FGL1: variants seen among roughly 807,000 people sequenced by gnomAD.
FGL1 encodes the protein fibrinogen like 1.
In FGL1, 59 loss-of-function variants were observed where a neutral mutation model predicts 43.7. The ratio of observed to expected loss-of-function variants is 1.35; its 90% CI spans 1.10 to 1.68. The LOEUF is 1.68. FGL1 is among the 40% of genes most tolerant of loss of function. The pLI is 0.00. For synonymous variants in FGL1, 192 were observed against 126.5 expected (o/e 1.52, Z -3.48); for missense variants, 596 against 373.0 (o/e 1.60, Z -4.92).
In FGL1 at chr8:17,874,230, A is replaced by G. The variant is rs111376859; in HGVS notation, c.405-114T>C. The G allele has an allele frequency of 2.8e-5, 38 of 1,362,670 alleles. No homozygotes were observed. In the African/African-American group the frequency reaches 2.9e-4, roughly 11 times the overall value. 84.4% of individuals were successfully genotyped at this position (1,362,670 alleles called of 1,614,324 possible). On this transcript the variant is annotated intron_variant, in intron 4 of 7. Coordinates refer to ENST00000427924, the MANE Select transcript of FGL1 (RefSeq NM_004467.4). ...CAATATTTTCTTGATTAGTTAATTCATTTTCAGTATTCTTCTTTAGAGAGA... is the reference window on the plus strand; with the variant it reads ...CAATATTTTCTTGATTAGTTAATTCGTTTTCAGTATTCTTCTTTAGAGAGA...
At chr8:17,865,467 C>T (rs1165570397) in intron 7 of FGL1, among the ~76,000 whole-genome samples, 2 of 152,176 alleles carry the variant, frequency 1.3e-5, no homozygotes, top group African/African-American at 2.4e-5. Flanking sequence ...TTATTTCAAT[C>T]TCAAGGGTAA....
At chr8:17,895,325 G>C (rs2053759101) in intron 1 of FGL1, 122 bp downstream of exon 1, 2 of 1,141,108 alleles carry the variant, frequency 1.8e-6, no homozygotes, top group Non-Finnish European at 2.2e-6. Flanking sequence ...CTCCTTGCTA[G>C]TCAACCTGAC....
intron 3 of FGL1, 83 bp from the exon 4 acceptor site, chr8:17,874,604 C>T: frequency 1.9e-6 from 2 of 1,042,420 alleles, no homozygotes; most frequent in Non-Finnish European, 2.8e-6. Context: ...TGAGACTACT[C>T]AGTATCACTG....
rs1273629737 is a variant in FGL1 at position 17,864,432 on chromosome 8, C to G, written c.*160G>C. ...TTATTTGGTGAATATTGCATATCTGCTGTACTGAAAGCACATTAAGTAACA... is the reference window on the plus strand; with the variant it reads ...TTATTTGGTGAATATTGCATATCTGGTGTACTGAAAGCACATTAAGTAACA... On this transcript the variant is annotated 3_prime_UTR_variant, in exon 8 of 8. Transcript: ENST00000427924. 5 of 665,766 alleles carry G rather than the reference C, an allele frequency of 7.5e-6. No individual in the cohort carries two copies. Among genetic ancestry groups the G allele is most frequent in the East Asian group, 2.8e-5 (1 of 35,130 alleles). The allele number at this position is 665,766 out of a possible 1,614,324, so 41.2% of individuals were successfully genotyped here.
intron 3 of FGL1, among the ~76,000 whole-genome samples, chr8:17,876,853 A>T (rs2053464353): frequency 2.0e-5 from 3 of 152,210 alleles, no homozygotes; most frequent in Admixed American, 2.0e-4. Flanking sequence ...TTATTATTTT[A>T]TGCTAACTGC....
At chr8:17,891,411 T>C (rs3853531) in intron 1 of FGL1, 78,195 of 152,036 alleles carry the variant, frequency 0.51, 22,958 homozygotes, top group Non-Finnish European at 0.68. Flanking sequence ...TATTCTCTGA[T>C]ACCATCTTCA....
At position 17,864,601 on chromosome 8, in the gene FGL1, A is replaced by AT; in HGVS notation, c.929dup (p.Asn310LysfsTer19). ...AGCCCAACAGCAGCAATTAAATTAC[A>AT]TTTGGAATAAAATCATTTGGCCTAA... On this transcript the variant is annotated frameshift_variant, in exon 8 of 8. Coordinates refer to ENST00000427924, the MANE Select transcript of FGL1 (RefSeq NM_004467.4). LOFTEE classifies it high-confidence loss of function. 6.2e-7 allele frequency: 1 copy of AT among 1,603,628 alleles called. No homozygotes were observed. Among genetic ancestry groups the AT allele is most frequent in the African/African-American group, 1.3e-5 (1 of 74,432 alleles).
At chr8:17,889,266 T>C (rs2053672532) in intron 1 of FGL1, among the ~76,000 whole-genome samples, 1 of 152,154 alleles carries the variant, frequency 6.6e-6, no homozygotes, top group African/African-American at 2.4e-5. Flanking sequence ...CTGCCGAACT[T>C]TGGCTGGGCG....
At chr8:17,874,770 C>A (rs1201725354) in intron 3 of FGL1, 3 of 300,440 alleles carry the variant, frequency 1.0e-5, no homozygotes. Flanking sequence ...AAATAAGAAT[C>A]TAGTTTTTTG....
chr8:17,885,675 C>A, intron 1 of FGL1, 104 bp from the exon 2 acceptor site: 1 of 850,462 alleles, frequency 1.2e-6, no homozygotes, highest in South Asian at 1.6e-5. Flanking sequence ...AGCCGCAGGC[C>A]ATCCCTAATC....
chr8:17,873,733 T>C (rs906690377), intron 5 of FGL1, among the ~76,000 whole-genome samples: 1 of 149,862 alleles, frequency 6.7e-6, no homozygotes, highest in Non-Finnish European at 1.5e-5. Flanking sequence ...TATAGCTACA[T>C]ATATACTATG....
chr8:17,887,734 C>T (rs1212791098), intron 1 of FGL1, among the ~76,000 whole-genome samples: 2 of 151,774 alleles, frequency 1.3e-5, no homozygotes, highest in Non-Finnish European at 2.9e-5. Context: ...AATTGGGAGG[C>T]TGAGGCAGGA....
intron 7 of FGL1, 33 bp from the exon 8 acceptor site, chr8:17,864,784 A>G (rs1585123174): frequency 7.0e-7 from 1 of 1,424,106 alleles, no homozygotes; most frequent in East Asian, 2.5e-5. Flanking sequence ...AGAAAACAAC[A>G]ATCAGACTGG....
chr8:17,868,613 G>T lies in FGL1; in HGVS notation c.714C>A (p.Asp238Glu), dbSNP rs776484441. Reference protein sequence around the residue: ...SHQRMKFSTWDRDHDNYEGNC... With the variant: ...SHQRMKFSTWERDHDNYEGNC... ...TCCCTTCATAGTTGTCATGATCTCTGTCCCACGTGCTGAATTTCATTCTTT... is the reference window on the plus strand; with the variant it reads ...TCCCTTCATAGTTGTCATGATCTCTTTCCCACGTGCTGAATTTCATTCTTT... Residue 238 changes from aspartate to glutamate, a missense_variant, in exon 7 of 8, where the codon GAC becomes GAA. Coordinates refer to ENST00000427924, the MANE Select transcript of FGL1 (RefSeq NM_004467.4). The T allele has an allele frequency of 3.7e-6, 6 of 1,613,874 alleles. No homozygotes were observed. In the South Asian group the frequency reaches 5.5e-5, roughly 15 times the overall value.
At chr8:17,879,402 T>C (rs1203873299) in intron 3 of FGL1, among the ~76,000 whole-genome samples, 1 of 152,104 alleles carries the variant, frequency 6.6e-6, no homozygotes, top group Non-Finnish European at 1.5e-5. Context: ...TTTGGATGTG[T>C]GTCCCCACCA....
rs546722831 is a variant in FGL1 at position 17,881,665 on chromosome 8, C to A, written c.244+334G>T. ...TGGCTAACATGGTGAAACCCTGCCT[C>A]TACTAAAAATACAAAAAAAGTAGCC... is the stretch of plus-strand genomic sequence containing the variant. On this transcript the variant is annotated intron_variant, in intron 3 of 7. Coordinates refer to ENST00000427924, the MANE Select transcript of FGL1 (RefSeq NM_004467.4). 2.6e-5 allele frequency among the ~76,000 whole-genome samples: 4 copies of A among 151,102 alleles called. No individual in the cohort carries two copies. In the South Asian group the frequency reaches 6.3e-4, roughly 24 times the overall value.
chr8:17,872,603 G>A, intron 5 of FGL1, among the ~76,000 whole-genome samples: 1 of 152,038 alleles, frequency 6.6e-6, no homozygotes, highest in East Asian at 1.9e-4. Context: ...ATGCCCAGCT[G>A]TTTATTTTTA....
intron 1 of FGL1, among the ~76,000 whole-genome samples, chr8:17,887,413 G>A (rs35001158): frequency 7.9e-5 from 12 of 152,314 alleles, no homozygotes; most frequent in African/African-American, 2.9e-4. Context: ...TTTCTGAAGA[G>A]AGGCATATTT....
At chr8:17,883,665 T>C (rs1480711299) in intron 2 of FGL1, among the ~76,000 whole-genome samples, 1 of 145,992 alleles carries the variant, frequency 6.8e-6, no homozygotes, top group Non-Finnish European at 1.5e-5. Context: ...CATTTATATT[T>C]ATATAGTCTA....
Sources: gnomAD v4.1 joint callset for allele counts (sites outside exome capture counted in the v4.1 genomes callset) on GRCh38, gnomAD v4.1.1 for gene constraint, MANE v1.5 for transcripts, NCBI Gene and HGNC (gene_info 2026-07-23, HGNC 2026-07-21) for gene names.